LGMN: variants seen among roughly 807,000 people sequenced by gnomAD.
LGMN encodes the protein legumain.
Under a neutral mutation model 56.8 loss-of-function variants are expected in LGMN, and 36 were observed. The observed-to-expected ratio is 0.63, with a 90% CI of 0.49 to 0.84. The LOEUF (loss-of-function observed/expected upper bound fraction) is 0.84, where lower values mean the gene tolerates loss of function less well. LGMN is among the 40% of genes least tolerant of loss of function. The pLI is 0.00. For missense variants in LGMN, 446 were observed against 556.1 expected (o/e 0.80, Z 1.99); for synonymous variants, 199 against 210.1 (o/e 0.95, Z 0.46).
At position 92,713,845 on chromosome 14, in the gene LGMN, T is replaced by G; in HGVS notation, c.521A>C (p.Tyr174Ser). ...KDLNETIHYM[Y>S]KHKMYRKMVF... Reference sequence around the variant, plus strand: ...TACCTTTCGGTACATTTTGTGTTTGTACATGTAATGGATGGTCTCATTCAG... The same window carrying G: ...TACCTTTCGGTACATTTTGTGTTTGGACATGTAATGGATGGTCTCATTCAG... The change falls in exon 7 of 14, where the codon TAC becomes TCC. Residue 174 changes from tyrosine (Y) to serine (S), a missense_variant. Tyr to Ser is a moderately radical substitution (Grantham distance 144). Coordinates refer to ENST00000334869, the MANE Select transcript of LGMN (RefSeq NM_005606.7). 1 of 1,613,522 alleles carries G rather than the reference T, an allele frequency of 6.2e-7. No individual in the cohort carries two copies. Among genetic ancestry groups the G allele is most frequent in the East Asian group, 2.2e-5 (1 of 44,888 alleles).
intron 5 of LGMN, among the ~76,000 whole-genome samples, chr14:92,715,136 TTA>T (rs1264007000): frequency 2.6e-5 from 4 of 151,606 alleles, no homozygotes; most frequent in Non-Finnish European, 4.4e-5. Context: ...GTAGCTGGGA[TTA>T]TAGGCACACG....
rs573082204 is a variant in LGMN at position 92,736,145 on chromosome 14, G to A, written c.-29-3330C>T. Among the ~76,000 whole-genome samples the A allele has an allele frequency of 3.2e-4, 48 of 152,308 alleles. No homozygotes were observed. In the South Asian group the frequency reaches 9.5e-3, roughly 30 times the overall value. The stretch of plus-strand genomic sequence containing the variant: ...TTCCCAAAAGCAAGAGGAGGACCAT[G>A]TCTACCTTAGGTGCAATGCTTGTTT... On this transcript the variant is annotated intron_variant, in intron 1 of 13. Transcript: ENST00000334869.
chr14:92,746,293 C>T (rs934841511), intron 1 of LGMN, among the ~76,000 whole-genome samples: 1 of 152,188 alleles, frequency 6.6e-6, no homozygotes, highest in African/African-American at 2.4e-5. Flanking sequence ...TCGATACCCT[C>T]AGTACATGTG....
intron 4 of LGMN, among the ~76,000 whole-genome samples, chr14:92,716,947 A>G (rs1388083581): frequency 6.6e-6 from 1 of 152,196 alleles, no homozygotes; most frequent in Admixed American, 6.5e-5. Flanking sequence ...TATTATAGCT[A>G]TAATACACTA....
intron 1 of LGMN, among the ~76,000 whole-genome samples, chr14:92,739,525 A>G (rs766525600): frequency 1.3e-5 from 2 of 152,210 alleles, no homozygotes; most frequent in Non-Finnish European, 2.9e-5. Context: ...CAGGCACTGA[A>G]CAGTGAACCA....
At chr14:92,720,313 A>G (rs148730491) in intron 2 of LGMN, among the ~76,000 whole-genome samples, 157 of 152,346 alleles carry the variant, frequency 1.0e-3, no homozygotes, top group African/African-American at 3.5e-3. Flanking sequence ...ATGGATAAGG[A>G]AAACGCAGCC....
At chr14:92,723,144 G>T (rs1890566698) in intron 2 of LGMN, among the ~76,000 whole-genome samples, 1 of 151,908 alleles carries the variant, frequency 6.6e-6, no homozygotes, top group Non-Finnish European at 1.5e-5. Context: ...CCTCCCGGGT[G>T]CAAGCGATGC....
At chr14:92,713,790 G>T in intron 7 of LGMN, 33 bp downstream of exon 7, 1 of 1,510,510 alleles carries the variant, frequency 6.6e-7, no homozygotes, top group Non-Finnish European at 9.2e-7. Context: ...CACACCCCCC[G>T]CCCCCACAAG....
In LGMN at chr14:92,728,339, C is replaced by T. The variant is rs1467081004; in HGVS notation, c.138+4310G>A. Among the ~76,000 whole-genome samples, 3 of 152,172 alleles carry T rather than the reference C, an allele frequency of 2.0e-5. No individual in the cohort carries two copies. The East Asian group carries it at 5.8e-4, about 29-fold the overall frequency. On this transcript the variant is annotated intron_variant, in intron 2 of 13. Transcript: ENST00000334869. The stretch of plus-strand genomic sequence containing the variant: ...TTCACGCTCCTATTAGAATTGGCAT[C>T]GGTGACCTGACAGGAGGTGGAGCTA...
chr14:92,725,739 C>G (rs1228727543), intron 2 of LGMN, among the ~76,000 whole-genome samples: 1 of 151,698 alleles, frequency 6.6e-6, no homozygotes, highest in Non-Finnish European at 1.5e-5. Context: ...CCATGCCCGG[C>G]TAATTTTTGT....
rs1199242408 is a variant in LGMN at position 92,714,631 on chromosome 14, G to A, written c.405-180C>T. On this transcript the variant is annotated intron_variant, in intron 5 of 13. Transcript: ENST00000334869. This position sits in a 1 kb window ranked among gnomAD's most constrained non-coding sequence, Gnocchi z 5.1. ...TGGCCTGTCCCCTCCACTCCCCTTGGTGTGATTCTGAACCACAGTATAGAT... is the reference window on the plus strand; with the variant it reads ...TGGCCTGTCCCCTCCACTCCCCTTGATGTGATTCTGAACCACAGTATAGAT... 2.6e-5 allele frequency among the ~76,000 whole-genome samples: 4 copies of A among 152,186 alleles called. 1 individual carries two copies. Among genetic ancestry groups the A allele is most frequent in the South Asian group, 4.1e-4 (2 of 4,828 alleles).
In LGMN at chr14:92,718,985, C is replaced by T. The variant is rs1390630118; in HGVS notation, c.139-141G>A. ...AGGCATTTAAATTATTATTTTAAAA[C>T]ACATACATTGATATTTTTTATCTCA... On this transcript the variant is annotated intron_variant, in intron 2 of 13. Transcript: ENST00000334869. 4.3e-5 allele frequency: 25 copies of T among 586,444 alleles called. No individual in the cohort carries two copies. The East Asian group carries it at 6.8e-4, about 16-fold the overall frequency. The allele number at this position is 586,444 out of a possible 1,614,324, so 36.3% of individuals were successfully genotyped here. A position where few individuals can be genotyped will look rare whatever the true frequency, so the allele number is the denominator to read the frequency against.
At chr14:92,721,926 C>T (rs549217312) in intron 2 of LGMN, among the ~76,000 whole-genome samples, 2 of 152,020 alleles carry the variant, frequency 1.3e-5, no homozygotes, top group Admixed American at 6.6e-5. Context: ...AAGTACAACC[C>T]GGGTTTCAAA....
At position 92,714,640 on chromosome 14, in the gene LGMN, T is replaced by C. The variant is rs1018978960; in HGVS notation, c.405-189A>G. 2.6e-5 allele frequency among the ~76,000 whole-genome samples: 4 copies of C among 152,224 alleles called. No homozygotes were observed. The highest frequency in any genetic ancestry group is 9.6e-5 in the African/African-American group (4 of 41,470). On this transcript the variant is annotated intron_variant, in intron 5 of 13. Coordinates refer to ENST00000334869, the MANE Select transcript of LGMN (RefSeq NM_005606.7). This position sits in a 1 kb window ranked among gnomAD's most constrained non-coding sequence, Gnocchi z 5.1. ...CCCTCCACTCCCCTTGGTGTGATTC[T>C]GAACCACAGTATAGATCCTAGAGCC... is the stretch of plus-strand genomic sequence containing the variant.
intron 3 of LGMN, among the ~76,000 whole-genome samples, 166 bp from the exon 4 acceptor site, chr14:92,717,627 G>A (rs1423133775): frequency 1.3e-5 from 2 of 152,188 alleles, no homozygotes; most frequent in South Asian, 2.1e-4. Flanking sequence ...AGCAGCTTGG[G>A]GATCTCAGCA....
chr14:92,719,194 GCCA>G (rs1231505425), intron 2 of LGMN, among the ~76,000 whole-genome samples: 2 of 52,692 alleles, frequency 3.8e-5, no homozygotes, highest in Non-Finnish European at 7.4e-5. Flanking sequence ...CACCACCACC[GCCA>G]CCAACACCAC....
intron 1 of LGMN, among the ~76,000 whole-genome samples, chr14:92,743,574 G>A (rs1793059940): frequency 6.6e-6 from 1 of 151,840 alleles, no homozygotes; most frequent in Non-Finnish European, 1.5e-5. Flanking sequence ...GGCCAAGGTG[G>A]GTGGATCACT....
chr14:92,706,339 C>G (rs948719033), intron 12 of LGMN, 144 bp downstream of exon 12: 27 of 636,402 alleles, frequency 4.2e-5, no homozygotes, highest in Non-Finnish European at 6.4e-5. Flanking sequence ...TGAATTTGGA[C>G]AACCTTCTTC....
intron 2 of LGMN, among the ~76,000 whole-genome samples, chr14:92,727,622 T>C (rs1300661874): frequency 2.0e-5 from 3 of 152,008 alleles, no homozygotes; most frequent in Non-Finnish European, 4.4e-5. Flanking sequence ...CTGATGCTCT[T>C]CCCTCCACGC....
Sources: gnomAD v4.1 joint callset for allele counts (sites outside exome capture counted in the v4.1 genomes callset) on GRCh38, gnomAD v4.1.1 for gene constraint, Gnocchi (gnomAD v3.1) non-coding constraint, MANE v1.5 for transcripts, NCBI Gene and HGNC (gene_info 2026-07-23, HGNC 2026-07-21) for gene names.